Variants in PLXDC2 observed in about 807,000 individuals in gnomAD.
PLXDC2 encodes plexin domain-containing protein 2.
Under a neutral mutation model 68.9 loss-of-function variants are expected in PLXDC2, and 40 were observed. The ratio of observed to expected loss-of-function variants is 0.58; its 90% CI spans 0.45 to 0.76. The LOEUF is 0.76. PLXDC2 is among the 30% of genes least tolerant of loss of function. The pLI, the probability that PLXDC2 is intolerant of heterozygous loss-of-function variation, is 0.00. For missense variants in PLXDC2, 644 were observed against 661.9 expected (o/e 0.97, Z 0.30); for synonymous variants, 243 against 234.2 (o/e 1.04, Z -0.34).
At chr10:20,029,222 C>T (rs565044389) in intron 2 of PLXDC2, among the ~76,000 whole-genome samples, 10 of 152,170 alleles carry the variant, frequency 6.6e-5, no homozygotes, top group East Asian at 3.9e-4. Flanking sequence ...TTTAGTTCAG[C>T]GGTTATCTTC....
intron 4 of PLXDC2, among the ~76,000 whole-genome samples, chr10:20,097,826 C>A (rs1329041430): frequency 1.3e-5 from 2 of 151,346 alleles, no homozygotes; most frequent in African/African-American, 4.8e-5. Context: ...CTTTGCTTTA[C>A]AATTATTTAA....
chr10:19,835,409 G>GT (rs750659230), intron 1 of PLXDC2, among the ~76,000 whole-genome samples: 1 of 152,180 alleles, frequency 6.6e-6, no homozygotes, highest in Non-Finnish European at 1.5e-5. Flanking sequence ...TAATTCTCAT[G>GT]TTTTCCAGGT....
intron 12 of PLXDC2, among the ~76,000 whole-genome samples, chr10:20,241,085 A>C (rs186275084): frequency 2.0e-5 from 3 of 152,350 alleles, no homozygotes; most frequent in Admixed American, 6.5e-5. Context: ...AAATTGTGTT[A>C]TTAGATATGG....
chr10:20,021,752 T>G (rs1479054617), intron 2 of PLXDC2, among the ~76,000 whole-genome samples: 1 of 151,996 alleles, frequency 6.6e-6, no homozygotes, highest in Non-Finnish European at 1.5e-5. Flanking sequence ...CAGGCTGGAG[T>G]GCAGTGGCGT....
intron 4 of PLXDC2, 133 bp downstream of exon 4, chr10:20,068,372 T>A: frequency 1.3e-6 from 1 of 791,738 alleles, no homozygotes; most frequent in Non-Finnish European, 1.9e-6. Context: ...GTCATAGGTA[T>A]AAATAAAACC....
intron 1 of PLXDC2, among the ~76,000 whole-genome samples, chr10:19,973,649 A>C (rs1834398850): frequency 6.6e-6 from 1 of 152,212 alleles, no homozygotes; most frequent in Admixed American, 6.5e-5. Flanking sequence ...TTGCCAGTAC[A>C]GGAAAAAGTT....
At chr10:19,919,214 A>T (rs1345067200) in intron 1 of PLXDC2, among the ~76,000 whole-genome samples, 1 of 152,252 alleles carries the variant, frequency 6.6e-6, no homozygotes, top group African/African-American at 2.4e-5. Context: ...TTAATACAGT[A>T]TGTCATATTC....
chr10:19,877,534 C>G (rs918131384), intron 1 of PLXDC2, among the ~76,000 whole-genome samples: 1 of 152,152 alleles, frequency 6.6e-6, no homozygotes, highest in African/African-American at 2.4e-5. Flanking sequence ...TGCAAAATCT[C>G]TCTTACTTTT....
chr10:20,131,771 A>C (rs1833871429), intron 4 of PLXDC2, among the ~76,000 whole-genome samples: 1 of 152,170 alleles, frequency 6.6e-6, no homozygotes, highest in Non-Finnish European at 1.5e-5. Context: ...TAGAAAAAAA[A>C]CCCAACTCCT....
chr10:19,832,960 A>G (rs1040986309), intron 1 of PLXDC2, among the ~76,000 whole-genome samples: 11 of 152,172 alleles, frequency 7.2e-5, no homozygotes, highest in Non-Finnish European at 1.5e-5. Flanking sequence ...TCGAACCTCC[A>G]TTTCTTCATC....
chr10:20,123,160 G>A (rs2131763761), intron 4 of PLXDC2, among the ~76,000 whole-genome samples: 1 of 152,288 alleles, frequency 6.6e-6, no homozygotes, highest in Middle Eastern at 3.4e-3. Context: ...AGGATTATAG[G>A]GTGGAGGAGT....
intron 2 of PLXDC2, among the ~76,000 whole-genome samples, chr10:20,038,411 G>A (rs1835618985): frequency 1.3e-5 from 2 of 152,106 alleles, no homozygotes; most frequent in South Asian, 2.1e-4. Context: ...GAAAAGATGT[G>A]CATAATGAGA....
At chr10:20,025,487 C>G (rs1483857487) in intron 2 of PLXDC2, among the ~76,000 whole-genome samples, 1 of 152,044 alleles carries the variant, frequency 6.6e-6, no homozygotes, top group African/African-American at 2.4e-5. Flanking sequence ...GTCTTGAACT[C>G]CCGACCTCAG....
chr10:20,050,538 G>A (rs898165040), intron 3 of PLXDC2, among the ~76,000 whole-genome samples: 2 of 151,790 alleles, frequency 1.3e-5, no homozygotes, highest in Non-Finnish European at 2.9e-5. Flanking sequence ...TTAAAAAGTG[G>A]GCAAAGACAT....
intron 3 of PLXDC2, among the ~76,000 whole-genome samples, chr10:20,066,255 A>G (rs1219602541): frequency 2.0e-5 from 3 of 152,228 alleles, no homozygotes; most frequent in Non-Finnish European, 4.4e-5. Flanking sequence ...TGTCCTCAAG[A>G]AAAGGTCTTT....
At chr10:20,275,728 C>T (rs1835998236) in intron 13 of PLXDC2, among the ~76,000 whole-genome samples, 1 of 152,080 alleles carries the variant, frequency 6.6e-6, no homozygotes, top group African/African-American at 2.4e-5. Context: ...GCCTGGCCAA[C>T]ATGGCAAAAC....
At chr10:19,827,752 T>TTTCA (rs1836601063) in intron 1 of PLXDC2, among the ~76,000 whole-genome samples, 1 of 152,004 alleles carries the variant, frequency 6.6e-6, no homozygotes, top group African/African-American at 2.4e-5. Context: ...AGAGATGGGG[T>TTTCA]TTCACCATGT....
chr10:20,104,843 G>A (rs1403608869), intron 4 of PLXDC2, among the ~76,000 whole-genome samples: 3 of 151,996 alleles, frequency 2.0e-5, no homozygotes, highest in Non-Finnish European at 4.4e-5. Flanking sequence ...ACGAAGTCAG[G>A]AGATCGAGAC....
intron 1 of PLXDC2, among the ~76,000 whole-genome samples, chr10:19,859,794 C>A (rs991280018): frequency 6.6e-6 from 1 of 152,130 alleles, no homozygotes; most frequent in African/African-American, 2.4e-5. Context: ...TGCAGTGGTG[C>A]GATCTCAGCT....
Sources: allele counts gnomAD v4.1 joint callset (sites outside exome capture counted in the v4.1 genomes callset), GRCh38; gene constraint gnomAD v4.1.1; transcripts MANE v1.5; gene names NCBI Gene and HGNC (gene_info 2026-07-23, HGNC 2026-07-21).